The following BMPR1B variants were observed in gnomAD, a reference collection of about 807,000 sequenced individuals.
BMPR1B encodes bone morphogenetic protein receptor type 1B, also known as bone morphogenetic protein receptor type-1B.
BMPR1B carries 12 observed loss-of-function variants against 59.1 expected under a neutral mutation model. The observed-to-expected ratio is 0.20, with a 90% confidence interval of 0.13 to 0.33. The LOEUF (loss-of-function observed/expected upper bound fraction) is 0.33. Ranked by LOEUF, BMPR1B falls within the 10% of genes least tolerant of loss-of-function variation. The pLI is 1.00. For missense variants in BMPR1B, 550 were observed against 610.9 expected (o/e 0.90, Z 1.05); for synonymous variants, 237 against 207.3 (o/e 1.14, Z -1.23).
intron 10 of BMPR1B, among the ~76,000 whole-genome samples, chr4:95,137,572 G>A (rs534751094): frequency 2.0e-5 from 3 of 152,226 alleles, no homozygotes; most frequent in South Asian, 2.1e-4. Context: ...CTAAGGACTC[G>A]CTTTATGCAT....
At chr4:94,951,500 C>T (rs557966285) in intron 2 of BMPR1B, among the ~76,000 whole-genome samples, 20 of 152,056 alleles carry the variant, frequency 1.3e-4, no homozygotes, top group Non-Finnish European at 2.1e-4. Flanking sequence ...TGAATTTAAT[C>T]GAAGGCCTTT....
intron 2 of BMPR1B, among the ~76,000 whole-genome samples, chr4:94,936,753 A>T (rs1410670229): frequency 1.3e-5 from 2 of 152,026 alleles, no homozygotes; most frequent in African/African-American, 4.8e-5. Flanking sequence ...TTAAATGTTG[A>T]TGTTGCTCAG....
intron 4 of BMPR1B, among the ~76,000 whole-genome samples, chr4:95,106,452 G>C (rs763909120): frequency 3.3e-5 from 5 of 152,034 alleles, no homozygotes; most frequent in Non-Finnish European, 7.4e-5. Flanking sequence ...GGGTGGTGCT[G>C]GTGTAGGAGT....
intron 3 of BMPR1B, among the ~76,000 whole-genome samples, chr4:95,051,219 A>G (rs551911974): frequency 1.5e-4 from 23 of 152,338 alleles, no homozygotes; most frequent in African/African-American, 5.5e-4. Flanking sequence ...ACTAAGTAAA[A>G]ACATTATTTC....
chr4:95,124,343 G>T (rs558896561), intron 7 of BMPR1B, among the ~76,000 whole-genome samples: 22 of 151,388 alleles, frequency 1.5e-4, no homozygotes, highest in Non-Finnish European at 2.8e-4. Context: ...TATTAAATTC[G>T]GTAATTCCTA....
intron 1 of BMPR1B, among the ~76,000 whole-genome samples, chr4:94,808,828 G>A (rs1350225187): frequency 4.6e-5 from 7 of 152,126 alleles, no homozygotes; most frequent in Non-Finnish European, 1.0e-4. Flanking sequence ...AGGCCAAGGC[G>A]GGCGGATCAC....
chr4:94,815,366 C>T (rs974048632), intron 1 of BMPR1B, among the ~76,000 whole-genome samples: 1 of 152,026 alleles, frequency 6.6e-6, no homozygotes, highest in South Asian at 2.1e-4. Flanking sequence ...ATAAACAGTG[C>T]TTTTGTATAC....
At chr4:95,001,779 T>A (rs1722466495) in intron 3 of BMPR1B, among the ~76,000 whole-genome samples, 1 of 152,152 alleles carries the variant, frequency 6.6e-6, no homozygotes, top group Non-Finnish European at 1.5e-5. Context: ...ATTTAAATAA[T>A]CGAAGACGTA....
At chr4:94,781,174 A>AT (rs1419832176) in intron 1 of BMPR1B, among the ~76,000 whole-genome samples, 1 of 151,982 alleles carries the variant, frequency 6.6e-6, no homozygotes, top group East Asian at 1.9e-4. Context: ...AAATTGAGTT[A>AT]TTTATCTTTT....
chr4:95,072,868 A>T (rs1185351129), intron 3 of BMPR1B, among the ~76,000 whole-genome samples: 1 of 152,176 alleles, frequency 6.6e-6, no homozygotes, highest in Non-Finnish European at 1.5e-5. Context: ...AGTATTCTGA[A>T]TTTGGTTCAT....
chr4:94,905,218 C>T (rs940666598), intron 2 of BMPR1B, among the ~76,000 whole-genome samples: 1 of 151,920 alleles, frequency 6.6e-6, no homozygotes, highest in Non-Finnish European at 1.5e-5. Flanking sequence ...AATGAATTTT[C>T]TTGCTTTTAT....
chr4:94,920,946 A>G (rs1214583169), intron 2 of BMPR1B, among the ~76,000 whole-genome samples: 1 of 152,246 alleles, frequency 6.6e-6, no homozygotes, highest in African/African-American at 2.4e-5. Flanking sequence ...CTGGAATAAT[A>G]TGTTCAAAGT....
chr4:94,851,017 A>G (rs1293954407), intron 1 of BMPR1B, among the ~76,000 whole-genome samples: 2 of 151,426 alleles, frequency 1.3e-5, no homozygotes, highest in South Asian at 2.1e-4. Context: ...TAGATAAATA[A>G]ACAGATACTT....
At chr4:94,766,594 T>G (rs1183742496) in intron 1 of BMPR1B, among the ~76,000 whole-genome samples, 1 of 151,972 alleles carries the variant, frequency 6.6e-6, no homozygotes, top group African/African-American at 2.4e-5. Context: ...TTTTTTTAAT[T>G]GTAAAGAATG....
At chr4:94,981,933 C>T (rs1015947706) in intron 2 of BMPR1B, among the ~76,000 whole-genome samples, 1 of 152,178 alleles carries the variant, frequency 6.6e-6, no homozygotes, top group Non-Finnish European at 1.5e-5. Context: ...GCCCTTTCAG[C>T]AGATAGGCTT....
chr4:95,025,079 T>TC (rs1724259217), intron 3 of BMPR1B, among the ~76,000 whole-genome samples: 1 of 152,002 alleles, frequency 6.6e-6, no homozygotes, highest in Non-Finnish European at 1.5e-5. Flanking sequence ...AGAGTGAGAC[T>TC]CCATCTCAAA....
At chr4:94,949,308 C>CTTTTTTTTTTTT (rs1216699208) in intron 2 of BMPR1B, among the ~76,000 whole-genome samples, 3 of 81,956 alleles carry the variant, frequency 3.7e-5, no homozygotes, top group African/African-American at 1.1e-4. Context: ...TGAACTCATT[C>CTTTTTTTTTTTT]TTTTTTTTTT....
intron 3 of BMPR1B, among the ~76,000 whole-genome samples, chr4:95,084,361 A>G (rs942445286): frequency 1.2e-5 from 1 of 80,614 alleles, no homozygotes; most frequent in Admixed American, 1.3e-4. Flanking sequence ...GTGTGTATAT[A>G]TATGTGTATT....
intron 1 of BMPR1B, among the ~76,000 whole-genome samples, chr4:94,796,784 A>T (rs909199507): frequency 6.6e-6 from 1 of 152,196 alleles, no homozygotes; most frequent in Non-Finnish European, 1.5e-5. Context: ...ATGTCATTCA[A>T]AATTGTTGTG....
Sources: gnomAD v4.1 joint callset for allele counts (sites outside exome capture counted in the v4.1 genomes callset) on GRCh38, gnomAD v4.1.1 for gene constraint, MANE v1.5 for transcripts, NCBI Gene and HGNC (gene_info 2026-07-23, HGNC 2026-07-21) for gene names.